Variants in ATP11C observed in about 807,000 individuals in gnomAD.
ATP11C encodes ATPase phospholipid transporting 11C (ATP11C blood group), also known as phospholipid-transporting ATPase IG.
Under a neutral mutation model 97.4 loss-of-function variants are expected in ATP11C, and 36 were observed. The observed-to-expected ratio is 0.37, with a 90% CI of 0.28 to 0.49. ATP11C has a LOEUF of 0.49. ATP11C is among the 20% of genes least tolerant of loss of function. ATP11C has a pLI of 0.98. For synonymous variants in ATP11C, 275 were observed against 290.9 expected, an observed-to-expected ratio of 0.95 and a Z score of 0.56; for missense variants, 730 against 824.6, an observed-to-expected ratio of 0.89 and a Z score of 1.40.
chrX:139,902,058 C>A (rs1170210987), intron 1 of ATP11C, among the ~76,000 whole-genome samples: 2 of 111,401 alleles, frequency 1.8e-5, no homozygotes, highest in Admixed American at 9.6e-5. Context: ...ACCTGCCTCC[C>A]ATTCTATTCA....
intron 1 of ATP11C, among the ~76,000 whole-genome samples, chrX:139,846,123 C>G (rs2083904473): frequency 8.9e-6 from 1 of 112,017 alleles, no homozygotes; most frequent in African/African-American, 3.2e-5. Context: ...GAAACAGTGC[C>G]TCTTGTATGA....
intron 2 of ATP11C, among the ~76,000 whole-genome samples, chrX:139,820,356 G>A (rs1019679302): frequency 3.6e-5 from 4 of 110,321 alleles, no homozygotes; most frequent in African/African-American, 1.3e-4. Flanking sequence ...AGCTGATATG[G>A]TGCCACTGCA....
chrX:139,856,128 G>C (rs980498311), intron 1 of ATP11C, among the ~76,000 whole-genome samples: 1 of 112,665 alleles, frequency 8.9e-6, no homozygotes, highest in African/African-American at 3.2e-5. Flanking sequence ...TTGTGCGCAC[G>C]GCAGGCCAGA....
intron 20 of ATP11C, 109 bp downstream of exon 20, chrX:139,768,151 T>C (rs1176924215): frequency 9.6e-6 from 5 of 522,282 alleles, no homozygotes; most frequent in Non-Finnish European, 1.1e-5. Flanking sequence ...AGAAATTAGA[T>C]AGTAATAATG....
chrX:139,910,622 T>C (rs1202982727), intron 1 of ATP11C, among the ~76,000 whole-genome samples: 2 of 107,811 alleles, frequency 1.9e-5, no homozygotes, highest in African/African-American at 3.4e-5. Flanking sequence ...AAAAAAAGAA[T>C]TATGGGCTGA....
intron 1 of ATP11C, among the ~76,000 whole-genome samples, chrX:139,902,155 TTTGTCTC>T (rs1202790232): frequency 9.0e-6 from 1 of 111,106 alleles, no homozygotes; most frequent in African/African-American, 3.3e-5. Flanking sequence ...AATGCAATCT[TTTGTCTC>T]TTATCTACCT....
At chrX:139,891,197 CA>C (rs35280856) in intron 1 of ATP11C, among the ~76,000 whole-genome samples, 224 of 35,482 alleles carry the variant, frequency 6.3e-3, no homozygotes, top group Middle Eastern at 0.016. Context: ...AGAGATTGGC[CA>C]AAAAAAAAAA....
At chrX:139,744,505 C>T (rs974304289) in intron 25 of ATP11C, among the ~76,000 whole-genome samples, 11 of 112,073 alleles carry the variant, frequency 9.8e-5, no homozygotes, top group Non-Finnish European at 1.9e-4. Context: ...TGAATCACAT[C>T]GACTATAGGA....
At chrX:139,889,236 C>T (rs2084692401) in intron 1 of ATP11C, among the ~76,000 whole-genome samples, 1 of 112,108 alleles carries the variant, frequency 8.9e-6, no homozygotes. Flanking sequence ...TTCTACTCAG[C>T]AATGAAAGGC....
chrX:139,886,362 G>T (rs889142371), intron 1 of ATP11C, among the ~76,000 whole-genome samples: 2 of 110,826 alleles, frequency 1.8e-5, no homozygotes, highest in African/African-American at 6.6e-5. Context: ...AGTCCAAGGT[G>T]GGCAGATCAC....
chrX:139,797,400 A>G, intron 10 of ATP11C, 74 bp from the exon 11 acceptor site: 2 of 823,288 alleles, frequency 2.4e-6, no homozygotes, highest in East Asian at 3.5e-5. Context: ...TGAGTCATCT[A>G]AAGCTTTTTC....
rs753110273 is a variant in ATP11C, at chrX:139,728,551, A to C, written c.*415T>G. The C allele has an allele frequency of 1.5e-5, 2 of 136,250 alleles. No homozygotes were observed. Among genetic ancestry groups the C allele is most frequent in the South Asian group, 6.5e-4 (2 of 3,073 alleles). 11.2% of individuals were successfully genotyped at this position (136,250 alleles called of 1,213,427 possible). ...AGTCTATTTCTTCTGCCAGGCAAAA[A>C]AAGTAGTATTAGCAAAATCTATTCA... On this transcript the variant is annotated 3_prime_UTR_variant, in exon 30 of 30. Transcript: ENST00000682941.
chrX:139,784,537 C>G (rs1457681078), intron 16 of ATP11C, among the ~76,000 whole-genome samples: 1 of 111,344 alleles, frequency 9.0e-6, no homozygotes, highest in African/African-American at 3.3e-5. Context: ...CACACACACA[C>G]GTATCTGAGA....
Position 139,797,221 on chromosome X carries a change from T to C in ATP11C, c.963A>G (p.Glu321=), listed in dbSNP as rs147978522. 5.1e-4 allele frequency: 616 copies of C among 1,203,744 alleles called. 1 individual carries two copies. The African/African-American group carries it at 9.6e-3, about 19-fold the overall frequency. ...TCTGAGTCTTTTGGTTATACCAAGG[T>C]TCATCATTGTATGGGGTACTTTGCC... ...YVWQSTPYND[E]PWYNQKTQKE... The change falls in exon 11 of 30, where the codon GAA becomes GAG. Residue 321 remains glutamate (E), a synonymous_variant. Transcript: ENST00000682941.
At chrX:139,808,015 A>G (rs1332922196) in intron 5 of ATP11C, among the ~76,000 whole-genome samples, 2 of 110,939 alleles carry the variant, frequency 1.8e-5, no homozygotes, top group East Asian at 5.6e-4. Flanking sequence ...GGTAGACAAC[A>G]TGTAACAGTG....
rs959278924 is a variant in ATP11C, at chrX:139,742,393, T to C, written c.3030+1166A>G. Among the ~76,000 whole-genome samples the C allele has an allele frequency of 6.3e-5, 7 of 111,680 alleles. No individual in the cohort carries two copies. In the Admixed American group the frequency reaches 6.6e-4, roughly 11 times the overall value. On this transcript the variant is annotated intron_variant, in intron 26 of 29. Coordinates refer to ENST00000682941, the MANE Select transcript of ATP11C (RefSeq NM_001353812.2). ...GTGGCTATACTGAGATGAATTGTAA[T>C]GTCCTTTTAAGGTCCTAAAATGTTA...
chrX:139,893,499 T>C (rs1162039176), intron 1 of ATP11C, among the ~76,000 whole-genome samples: 3 of 112,384 alleles, frequency 2.7e-5, no homozygotes, highest in African/African-American at 9.7e-5. Context: ...GTTAAGATCA[T>C]GTCCCCAACT....
At chrX:139,778,471 C>T (rs1406628467) in intron 18 of ATP11C, among the ~76,000 whole-genome samples, 1 of 111,698 alleles carries the variant, frequency 9.0e-6, no homozygotes, top group African/African-American at 3.3e-5. Flanking sequence ...CAATATTAAC[C>T]TTGAATGTAA....
At chrX:139,924,277 T>A in intron 1 of ATP11C, 1 of 374,375 alleles carries the variant, frequency 2.7e-6, no homozygotes, top group Non-Finnish European at 5.5e-6. Context: ...TGACAAACAG[T>A]AAGTGCTTTC....
Sources: gnomAD v4.1 joint callset for allele counts (sites outside exome capture counted in the v4.1 genomes callset) on GRCh38, gnomAD v4.1.1 for gene constraint, MANE v1.5 for transcripts, NCBI Gene and HGNC (gene_info 2026-07-23, HGNC 2026-07-21) for gene names.